Variants in IL1RAPL1 observed in about 807,000 individuals in gnomAD.
The protein encoded by IL1RAPL1 is interleukin-1 receptor accessory protein-like 1.
IL1RAPL1 carries 3 observed loss-of-function variants against 48.4 expected under a neutral mutation model. The observed-to-expected ratio is 0.06, with a 90% confidence interval of 0.03 to 0.16. The LOEUF is 0.16. Among genes scored for constraint, IL1RAPL1 ranks in the 10% least tolerant of loss-of-function variants. The pLI, the probability that IL1RAPL1 is intolerant of heterozygous loss-of-function variation, is 1.00. For synonymous variants in IL1RAPL1, 185 were observed against 187.7 expected (o/e 0.99, Z 0.12); for missense variants, 349 against 530.6 (o/e 0.66, Z 3.36).
In IL1RAPL1 at chrX:28,836,384, G is replaced by C. The variant is rs57858273; in HGVS notation, c.82+46959G>C. Among the ~76,000 whole-genome samples the C allele has an allele frequency of 5.5e-4, 51 of 92,733 alleles. No individual in the cohort carries two copies. In the East Asian group the frequency reaches 8.5e-3, roughly 15 times the overall value. The allele number at this position is 92,733 out of a possible 115,157, so 80.5% of individuals were successfully genotyped here. A position where few individuals can be genotyped will look rare whatever the true frequency, so the allele number is the denominator to read the frequency against. On this transcript the variant is annotated intron_variant, in intron 2 of 10. Transcript: ENST00000378993. ...TATATGACAGAGAGAGAGAGAGAGA[G>C]AGACAGACAGACAGAGAGAGAGAGT...
intron 1 of IL1RAPL1, among the ~76,000 whole-genome samples, chrX:28,749,754 A>G (rs185622146): frequency 8.3e-4 from 91 of 109,888 alleles, no homozygotes; most frequent in African/African-American, 2.9e-3. Flanking sequence ...TGTTTGATGT[A>G]ATTCCATTTG....
At chrX:28,960,173 T>A (rs758274709) in intron 2 of IL1RAPL1, among the ~76,000 whole-genome samples, 1 of 112,115 alleles carries the variant, frequency 8.9e-6, no homozygotes, top group Admixed American at 9.5e-5. Context: ...TTTGTCATTT[T>A]ACAGATGATC....
At chrX:29,176,163 G>A (rs142631749) in intron 2 of IL1RAPL1, among the ~76,000 whole-genome samples, 2,298 of 100,105 alleles carry the variant, frequency 0.023, 29 homozygotes, top group Middle Eastern at 0.072. Flanking sequence ...GTGCGATCTC[G>A]GCTCACTACA....
At chrX:29,183,564 C>T (rs759259364) in intron 2 of IL1RAPL1, among the ~76,000 whole-genome samples, 1 of 112,225 alleles carries the variant, frequency 8.9e-6, no homozygotes. Context: ...TCTCTATACC[C>T]TGTGGTACAA....
chrX:29,339,075 T>TACACACACACACACAC (rs758487838), intron 3 of IL1RAPL1, among the ~76,000 whole-genome samples: 33 of 92,321 alleles, frequency 3.6e-4, no homozygotes, highest in African/African-American at 1.1e-3. Context: ...GCTGGGTAAA[T>TACACACACACACACAC]ACACACACAC....
intron 2 of IL1RAPL1, among the ~76,000 whole-genome samples, chrX:29,184,527 G>A (rs1344689609): frequency 9.0e-6 from 1 of 111,173 alleles, no homozygotes; most frequent in Non-Finnish European, 1.9e-5. Context: ...TTGAGACAGA[G>A]ACTATCTCTG....
chrX:29,137,260 A>T (rs1602074833), intron 2 of IL1RAPL1, among the ~76,000 whole-genome samples: 2 of 60,156 alleles, frequency 3.3e-5, no homozygotes, highest in South Asian at 1.2e-3. Context: ...ACTTGCGCTC[A>T]CACACACACA....
intron 5 of IL1RAPL1, among the ~76,000 whole-genome samples, chrX:29,518,439 A>AG (rs1356183850): frequency 9.0e-6 from 1 of 110,724 alleles, no homozygotes; most frequent in Admixed American, 9.7e-5. Flanking sequence ...ATGGCAAGTG[A>AG]GGTGGGGGTC....
chrX:28,722,895 T>G (rs755573182), intron 1 of IL1RAPL1, among the ~76,000 whole-genome samples: 1 of 111,757 alleles, frequency 8.9e-6, no homozygotes, highest in Non-Finnish European at 1.9e-5. Context: ...TGGATTACGT[T>G]TATTGATTTG....
chrX:29,064,627 G>C (rs1358428837), intron 2 of IL1RAPL1, among the ~76,000 whole-genome samples: 1 of 111,300 alleles, frequency 9.0e-6, no homozygotes, highest in Non-Finnish European at 1.9e-5. Context: ...TGTCGTCCAG[G>C]CTGGAGTGCA....
chrX:29,197,840 C>T (rs987679591), intron 2 of IL1RAPL1, among the ~76,000 whole-genome samples: 2 of 108,908 alleles, frequency 1.8e-5, no homozygotes, highest in Non-Finnish European at 3.8e-5. Context: ...TCCCGAGTAG[C>T]TGGGAATACA....
intron 3 of IL1RAPL1, among the ~76,000 whole-genome samples, chrX:29,328,896 T>C (rs1180239371): frequency 9.0e-6 from 1 of 111,047 alleles, no homozygotes; most frequent in Admixed American, 9.7e-5. Context: ...ATCACGGTAG[T>C]ATGATTTACT....
At chrX:29,659,720 G>T (rs1253872289) in intron 5 of IL1RAPL1, among the ~76,000 whole-genome samples, 1 of 111,576 alleles carries the variant, frequency 9.0e-6, no homozygotes, top group African/African-American at 3.3e-5. Flanking sequence ...CGCCTTCCGG[G>T]TTCAAGCGAT....
chrX:29,890,699 A>C (rs1932260568), intron 6 of IL1RAPL1, among the ~76,000 whole-genome samples: 1 of 112,040 alleles, frequency 8.9e-6, no homozygotes, highest in African/African-American at 3.2e-5. Context: ...TCTCAACTTT[A>C]CTTTGTTTTA....
At chrX:29,695,630 CAGAG>C (rs1204234023) in intron 6 of IL1RAPL1, among the ~76,000 whole-genome samples, 2 of 90,141 alleles carry the variant, frequency 2.2e-5, no homozygotes, top group Non-Finnish European at 4.2e-5. Flanking sequence ...GAGAGAGAAA[CAGAG>C]AGAATCTTTT....
At chrX:28,878,770 G>T (rs1601942199) in intron 2 of IL1RAPL1, among the ~76,000 whole-genome samples, 1 of 111,221 alleles carries the variant, frequency 9.0e-6, no homozygotes, top group Admixed American at 9.6e-5. Flanking sequence ...GAAAGTTCAT[G>T]GTTCATATAA....
intron 3 of IL1RAPL1, among the ~76,000 whole-genome samples, chrX:29,371,279 C>T (rs1419052392): frequency 1.8e-5 from 2 of 108,712 alleles, no homozygotes; most frequent in Admixed American, 9.9e-5. Flanking sequence ...TTACAGGCAC[C>T]TGACACTATG....
At chrX:29,001,897 C>CTTTTT (rs758737454) in intron 2 of IL1RAPL1, among the ~76,000 whole-genome samples, 116 of 90,132 alleles carry the variant, frequency 1.3e-3, no homozygotes, top group African/African-American at 4.5e-3. Context: ...CAATGAAGAA[C>CTTTTT]TTTTTTTTTT....
intron 5 of IL1RAPL1, among the ~76,000 whole-genome samples, chrX:29,538,458 C>T (rs1392426956): frequency 9.4e-6 from 1 of 106,008 alleles, no homozygotes; most frequent in Non-Finnish European, 1.9e-5. Flanking sequence ...CTGCCTCAGC[C>T]TCCCGAGTAG....
Sources: allele counts gnomAD v4.1 joint callset (sites outside exome capture counted in the v4.1 genomes callset), GRCh38; gene constraint gnomAD v4.1.1; transcripts MANE v1.5; gene names NCBI Gene and HGNC (gene_info 2026-07-23, HGNC 2026-07-21).